Variants in HIVEP3 observed in about 807,000 individuals in gnomAD.
HIVEP3 encodes HIVEP zinc finger 3.
Under a neutral mutation model 152.8 loss-of-function variants are expected in HIVEP3, and 49 were observed. The observed-to-expected ratio is 0.32, with a 90% CI of 0.26 to 0.41. The LOEUF (loss-of-function observed/expected upper bound fraction) is 0.41. HIVEP3 is among the 10% of genes least tolerant of loss of function. HIVEP3 has a pLI of 1.00. For synonymous variants in HIVEP3, 1,269 were observed against 1,289.0 expected, an observed-to-expected ratio of 0.98 and a Z score of 0.33; for missense variants, 2,790 against 3,103.3, an observed-to-expected ratio of 0.90 and a Z score of 2.40.
intron 1 of HIVEP3, among the ~76,000 whole-genome samples, chr1:41,821,506 C>T (rs1276723106): frequency 6.6e-6 from 1 of 152,188 alleles, no homozygotes; most frequent in East Asian, 1.9e-4. Context: ...AGTCATTCTG[C>T]TGAAGGGCTT....
chr1:41,807,778 C>T (rs557550459), intron 1 of HIVEP3, among the ~76,000 whole-genome samples: 1 of 152,264 alleles, frequency 6.6e-6, no homozygotes, highest in East Asian at 1.9e-4. Context: ...CATTTCATGA[C>T]GGTTGTGATG....
intron 1 of HIVEP3, among the ~76,000 whole-genome samples, chr1:41,904,192 T>C (rs1483860906): frequency 6.6e-6 from 1 of 152,130 alleles, no homozygotes; most frequent in African/African-American, 2.4e-5. Flanking sequence ...CCACCGTGCC[T>C]GGTCCTGACC....
intron 1 of HIVEP3, among the ~76,000 whole-genome samples, chr1:41,774,772 TTTTATTTATTTATTTA>T (rs199947047): frequency 2.8e-5 from 4 of 143,710 alleles, no homozygotes; most frequent in African/African-American, 1.1e-4. Context: ...GCATCTTTTA[TTTTATTTATTTATTTA>T]TTTATTTATT....
chr1:41,865,580 C>T (rs1424338267), intron 1 of HIVEP3: 2 of 152,178 alleles, frequency 1.3e-5, no homozygotes, highest in Non-Finnish European at 2.9e-5. Context: ...GTGCTGGGTC[C>T]TCCACTGGAA....
intron 1 of HIVEP3, among the ~76,000 whole-genome samples, chr1:41,978,266 C>T (rs1645272234): frequency 6.6e-6 from 1 of 152,114 alleles, no homozygotes; most frequent in African/African-American, 2.4e-5. Flanking sequence ...CAGTCAGCAG[C>T]TGTGGGCAAC....
intron 1 of HIVEP3, among the ~76,000 whole-genome samples, chr1:42,015,603 A>C (rs1374542512): frequency 6.6e-6 from 1 of 152,250 alleles, no homozygotes; most frequent in African/African-American, 2.4e-5. Flanking sequence ...AAAGGTACTA[A>C]AGAAGCCTTT....
At chr1:41,906,714 CA>C (rs1286087589) in intron 1 of HIVEP3, among the ~76,000 whole-genome samples, 4 of 152,124 alleles carry the variant, frequency 2.6e-5, no homozygotes, top group African/African-American at 9.7e-5. Flanking sequence ...AATATTTTAA[CA>C]AGAGACTTGA....
chr1:41,544,203 T>G (rs1383182760), intron 5 of HIVEP3: 1 of 152,094 alleles, frequency 6.6e-6, no homozygotes, highest in Admixed American at 6.6e-5. Flanking sequence ...CTGCATGGGA[T>G]AGACAGCAGC....
rs763107073 is a variant in HIVEP3 at position 41,524,883 on chromosome 1, A to G, written c.5235T>C (p.Tyr1745=). The G allele has an allele frequency of 6.2e-6, 10 of 1,613,932 alleles. No homozygotes were observed. In the Admixed American group the frequency reaches 1.2e-4, roughly 19 times the overall value. Residue 1745 remains tyrosine, a synonymous_variant, in exon 6 of 9, where the codon TAT becomes TAC. Coordinates refer to ENST00000372583, the MANE Select transcript of HIVEP3 (RefSeq NM_024503.5). The part of the protein sequence containing the change: ...GGYKSNEEYV[Y]VRGRGRGKYV... ...ATTTCCCTCGGCCGCGGCCTCGCACATATACATACTCTTCGTTTGATTTGT... is the reference window on the plus strand; with the variant it reads ...ATTTCCCTCGGCCGCGGCCTCGCACGTATACATACTCTTCGTTTGATTTGT...
intron 1 of HIVEP3, among the ~76,000 whole-genome samples, chr1:41,963,822 AC>A (rs1645182665): frequency 6.6e-6 from 1 of 152,136 alleles, no homozygotes; most frequent in African/African-American, 2.4e-5. Flanking sequence ...AGTGATCCAA[AC>A]TTTTTTTCTG....
intron 3 of HIVEP3, among the ~76,000 whole-genome samples, chr1:41,623,597 G>A (rs1430779666): frequency 4.6e-5 from 7 of 152,126 alleles, no homozygotes; most frequent in African/African-American, 1.4e-4. Context: ...TCTCTTCCTT[G>A]CACCCACTGA....
chr1:41,830,762 C>T (rs1165569239), intron 1 of HIVEP3, among the ~76,000 whole-genome samples: 1 of 152,176 alleles, frequency 6.6e-6, no homozygotes, highest in Non-Finnish European at 1.5e-5. Flanking sequence ...CCCTCCCACC[C>T]CAGTGAACTT....
At chr1:41,554,888 C>T (rs1055943044) in intron 5 of HIVEP3, among the ~76,000 whole-genome samples, 2 of 152,214 alleles carry the variant, frequency 1.3e-5, no homozygotes, top group Admixed American at 1.3e-4. Context: ...GGACACCCGC[C>T]TGTATGAGGT....
intron 5 of HIVEP3, among the ~76,000 whole-genome samples, chr1:41,563,407 T>TA (rs1218137453): frequency 1.3e-5 from 2 of 151,776 alleles, no homozygotes; most frequent in Non-Finnish European, 2.9e-5. Flanking sequence ...ATGCAATGCA[T>TA]ACAGACTGGC....
At chr1:41,943,297 T>G (rs1645057301) in intron 1 of HIVEP3, among the ~76,000 whole-genome samples, 1 of 152,190 alleles carries the variant, frequency 6.6e-6, no homozygotes, top group Non-Finnish European at 1.5e-5. Flanking sequence ...GAAAGAACAA[T>G]GGGAAGAGGA....
intron 1 of HIVEP3, among the ~76,000 whole-genome samples, chr1:41,937,885 A>G (rs1440486991): frequency 2.0e-5 from 3 of 152,206 alleles, no homozygotes; most frequent in Non-Finnish European, 4.4e-5. Flanking sequence ...AATCATGAGC[A>G]CTTGTTCATG....
At chr1:41,690,031 A>G (rs1322917584) in intron 2 of HIVEP3, among the ~76,000 whole-genome samples, 2 of 152,204 alleles carry the variant, frequency 1.3e-5, no homozygotes, top group Admixed American at 6.5e-5. Context: ...GGAGTCTCAG[A>G]TCTTAGATAT....
intron 1 of HIVEP3, among the ~76,000 whole-genome samples, chr1:41,722,472 TCCCTCTCCCCTCCCTCTCCCCTCC>T (rs1558211515): frequency 2.1e-5 from 2 of 96,458 alleles, no homozygotes; most frequent in Non-Finnish European, 1.9e-5. Flanking sequence ...TTCCTCCCCT[TCCCTCTCCCCTCCCTCTCCCCTCC>T]CCTTCCCTTC....
chr1:41,527,446 A>G (rs1298244081), intron 5 of HIVEP3, among the ~76,000 whole-genome samples: 1 of 83,218 alleles, frequency 1.2e-5, no homozygotes, highest in East Asian at 3.4e-4. Flanking sequence ...CCCCACCCTC[A>G]CCCTCACACC....
Sources: allele counts gnomAD v4.1 joint callset (sites outside exome capture counted in the v4.1 genomes callset), GRCh38; gene constraint gnomAD v4.1.1; transcripts MANE v1.5; gene names NCBI Gene and HGNC (gene_info 2026-07-23, HGNC 2026-07-21).